TRIM25: variants seen among roughly 807,000 people sequenced by gnomAD.
The protein encoded by TRIM25 is tripartite motif containing 25, also known as E3 ubiquitin/ISG15 ligase TRIM25.
In TRIM25, 45 loss-of-function variants were observed where a neutral mutation model predicts 65.2. The ratio of observed to expected loss-of-function variants is 0.69; its 90% CI spans 0.54 to 0.89. The LOEUF is 0.89. Ranked by LOEUF, TRIM25 falls within the 40% of genes least tolerant of loss-of-function variation. The probability of loss-of-function intolerance (pLI) is 0.00; values close to 1 mark genes in which losing one functional copy is unlikely to be tolerated. For missense variants in TRIM25, 714 were observed against 803.7 expected (o/e 0.89, Z 1.35); for synonymous variants, 321 against 340.4 (o/e 0.94, Z 0.63).
At chr17:56,902,897 C>G (rs1206212262) in intron 3 of TRIM25, among the ~76,000 whole-genome samples, 1 of 152,182 alleles carries the variant, frequency 6.6e-6, no homozygotes, top group Non-Finnish European at 1.5e-5. Context: ...AGTTCTTGCA[C>G]AAACTGGTTG....
At chr17:56,900,530 G>A (rs574551767) in intron 4 of TRIM25, among the ~76,000 whole-genome samples, 1 of 152,244 alleles carries the variant, frequency 6.6e-6, no homozygotes, top group Admixed American at 6.5e-5. Context: ...AGTCTGAGGA[G>A]TGGGAGCAGT....
chr17:56,892,363 A>G, intron 8 of TRIM25, 134 bp from the exon 9 acceptor site: 1 of 921,970 alleles, frequency 1.1e-6, no homozygotes, highest in South Asian at 1.7e-5. Flanking sequence ...CCATCCATCC[A>G]CTCATCTATC....
chr17:56,890,566 T>C lies in TRIM25; in HGVS notation c.*1134A>G. The C allele has an allele frequency of 6.6e-6, 3 of 455,188 alleles. No individual in the cohort carries two copies. The highest frequency in any genetic ancestry group is 1.3e-5 in the Non-Finnish European group (3 of 226,818). 28.2% of individuals were successfully genotyped at this position (455,188 alleles called of 1,614,324 possible). The stretch of plus-strand genomic sequence containing the variant: ...GTTTGCTAAAAGACCCCTTTGGTGG[T>C]AGGTTGACACCCCAGCAAGTGGCCT... On this transcript the variant is annotated 3_prime_UTR_variant, in exon 9 of 9. Coordinates refer to ENST00000316881, the MANE Select transcript of TRIM25 (RefSeq NM_005082.5).
In TRIM25 at chr17:56,891,468, T is replaced by A. The variant is rs968948142; in HGVS notation, c.*232A>T. 6.8e-5 allele frequency: 38 copies of A among 560,688 alleles called. No homozygotes were observed. The South Asian group carries it at 7.7e-4, about 11-fold the overall frequency. The allele number at this position is 560,688 out of a possible 1,614,324, so 34.7% of individuals were successfully genotyped here. A position where few individuals can be genotyped will look rare whatever the true frequency, so the allele number is the denominator to read the frequency against. ...GATTTCCAGAACAATGGGGAGTAGGTCACCCTGCCCTGATAGGCACCAGGG... is the reference window on the plus strand; with the variant it reads ...GATTTCCAGAACAATGGGGAGTAGGACACCCTGCCCTGATAGGCACCAGGG... On this transcript the variant is annotated 3_prime_UTR_variant, in exon 9 of 9. Coordinates refer to ENST00000316881, the MANE Select transcript of TRIM25 (RefSeq NM_005082.5).
rs1165916660 is a variant in TRIM25, at chr17:56,888,855, GCT to G, written c.*2843_*2844del. ...GGGCAGTAGCCGTCTGTAGTGGGCGGCTCATCTGCTGACAACAGTATGACGAA... is the reference window on the plus strand; with the variant it reads ...GGGCAGTAGCCGTCTGTAGTGGGCGGCATCTGCTGACAACAGTATGACGAA... On this transcript the variant is annotated 3_prime_UTR_variant, in exon 9 of 9. Transcript: ENST00000316881. 6.6e-6 allele frequency: 1 copy of G among 152,204 alleles called. No homozygotes were observed. The highest frequency in any genetic ancestry group is 1.5e-5 in the Non-Finnish European group (1 of 68,064). The allele number at this position is 152,204 out of a possible 1,614,324, so 9.4% of individuals were successfully genotyped here. A position where few individuals can be genotyped will look rare whatever the true frequency, so the allele number is the denominator to read the frequency against.
chr17:56,899,233 C>T, intron 4 of TRIM25, 53 bp from the exon 5 acceptor site: 2 of 1,602,918 alleles, frequency 1.2e-6, no homozygotes, highest in Non-Finnish European at 1.7e-6. Context: ...CTGACCCTAG[C>T]AGCCAGCTTT....
chr17:56,906,886 A>C (rs1216751119), intron 2 of TRIM25, among the ~76,000 whole-genome samples: 2 of 152,188 alleles, frequency 1.3e-5, no homozygotes, highest in Non-Finnish European at 2.9e-5. Context: ...GTAAGAGAAC[A>C]TCCCTGGAGT....
rs1183885334 is a variant in TRIM25 at position 56,913,960 on chromosome 17, T to C, written c.29A>G (p.Glu10Gly). Reference protein sequence around the residue: MAELCPLAEELSCSICLEPF... With the variant: MAELCPLAEGLSCSICLEPF... ...CTCCAGGCAGATGGAGCACGACAGC[T>C]CCTCGGCCAGGGGGCACAGCTCTGC... Residue 10 changes from glutamate to glycine, a missense_variant, in exon 1 of 9, where the codon GAG becomes GGG. Physicochemically the swap from Glu to Gly is moderately conservative, Grantham distance 98. Coordinates refer to ENST00000316881, the MANE Select transcript of TRIM25 (RefSeq NM_005082.5). The surrounding 1 kb of genome is among the most constrained non-coding windows in gnomAD (Gnocchi z 6.1). 1 of 1,579,972 alleles carries C rather than the reference T, an allele frequency of 6.3e-7. No individual in the cohort carries two copies. Among genetic ancestry groups the C allele is most frequent in the Admixed American group, 1.8e-5 (1 of 56,782 alleles).
At chr17:56,902,200 G>A (rs754009492) in intron 3 of TRIM25, among the ~76,000 whole-genome samples, 11 of 152,180 alleles carry the variant, frequency 7.2e-5, no homozygotes, top group Admixed American at 1.3e-4. Flanking sequence ...GACTAGGCAC[G>A]CATCAGGCCT....
chr17:56,913,725 G>C lies in TRIM25; in HGVS notation c.264C>G (p.Asp88Glu). 1 of 1,558,880 alleles carries C rather than the reference G, an allele frequency of 6.4e-7. No homozygotes were observed. The highest frequency in any genetic ancestry group is 1.4e-5 in the African/African-American group (1 of 73,820). ...AGGCGCGGGCGGGCGGCGTCCAGAC[G>C]TCGGCGGGTGGCTCCCGGGCCAGGT... ...QADLAREPPA[D>E]VWTPPARASA... is the part of the protein sequence containing the mutation. The change falls in exon 1 of 9, where the codon GAC (aspartate) becomes GAG (glutamate). Residue 88 changes from aspartate (D) to glutamate (E), a missense_variant. Physicochemically the swap from Asp to Glu is conservative, Grantham distance 45. This residue lies in a region of TRIM25 where 291 missense variants were observed against 281.8 expected (regional missense o/e 1.03). Transcript: ENST00000316881. The surrounding 1 kb of genome is among the most constrained non-coding windows in gnomAD (Gnocchi z 6.1).
At chr17:56,895,849 C>T (rs998123622) in intron 6 of TRIM25, 77 bp downstream of exon 6, 7 of 1,552,908 alleles carry the variant, frequency 4.5e-6, no homozygotes, top group African/African-American at 2.8e-5. Context: ...TGAGAGAGGT[C>T]GACTCTCACT....
chr17:56,896,352 A>AC (rs1909293498), intron 5 of TRIM25, among the ~76,000 whole-genome samples: 2 of 151,802 alleles, frequency 1.3e-5, no homozygotes, highest in South Asian at 4.2e-4. Flanking sequence ...AATCAGAAAA[A>AC]AAAAAATGCT....
Position 56,891,418 on chromosome 17 carries a change from C to T in TRIM25, c.*282G>A. 1 of 460,672 alleles carries T rather than the reference C, an allele frequency of 2.2e-6. No homozygotes were observed. The highest frequency in any genetic ancestry group is 4.0e-5 in the East Asian group (1 of 24,868). The allele number at this position is 460,672 out of a possible 1,614,324, so 28.5% of individuals were successfully genotyped here. The stretch of plus-strand genomic sequence containing the variant: ...ACTCATGACTTCACTTCCCAGAGCT[C>T]TGCCCAGCTGCCCAGCAGCCTGGAG... On this transcript the variant is annotated 3_prime_UTR_variant, in exon 9 of 9. Transcript: ENST00000316881.
chr17:56,905,233 G>A (rs1205005757), intron 2 of TRIM25, among the ~76,000 whole-genome samples: 10 of 152,144 alleles, frequency 6.6e-5, no homozygotes, highest in South Asian at 2.1e-4. Flanking sequence ...TTGTGGCAGC[G>A]CGCACCTGTA....
In TRIM25 at chr17:56,891,992, T is replaced by C. The variant is rs1294203146; in HGVS notation, c.1601A>G (p.Asn534Ser). The C allele has an allele frequency of 1.2e-6, 2 of 1,614,156 alleles. No individual in the cohort carries two copies. The highest frequency in any genetic ancestry group is 2.2e-5 in the South Asian group (2 of 91,088). ...GAGCCTGCTTTCTGGGCCCTGCCGG[T>C]TCATGCTTCCGTAGCAGATGCCTAC... ...CGVGICYGSM[N>S]RQGPESRLGR... Residue 534 changes from asparagine (N) to serine (S), a missense_variant, in exon 9 of 9, where the codon AAC becomes AGC. By Grantham distance (46) the Asn-to-Ser change is conservative (BLOSUM62 1). Transcript: ENST00000316881.
intron 2 of TRIM25, among the ~76,000 whole-genome samples, chr17:56,907,456 A>C (rs1909542414): frequency 1.3e-5 from 2 of 152,244 alleles, no homozygotes; most frequent in African/African-American, 4.8e-5. Context: ...CTAGTATGTG[A>C]CAGAGCTGGT....
At position 56,900,731 on chromosome 17, in the gene TRIM25, C is replaced by T. The variant is rs374622038; in HGVS notation, c.1087+688G>A. ...AGATGCACCAGAGGAGAGTGGGGGG[C>T]GCCTTGGGGCTGGAGAGAGACCAAC... is the stretch of plus-strand genomic sequence containing the variant. On this transcript the variant is annotated intron_variant, in intron 4 of 8. Coordinates refer to ENST00000316881, the MANE Select transcript of TRIM25 (RefSeq NM_005082.5). Among the ~76,000 whole-genome samples the T allele has an allele frequency of 9.9e-5, 15 of 152,206 alleles. 1 individual carries two copies. Among genetic ancestry groups the T allele is most frequent in the East Asian group, 1.9e-4 (1 of 5,184 alleles).
rs1291619901 is a variant in TRIM25 at position 56,889,093 on chromosome 17, A to G, written c.*2607T>C. The G allele has an allele frequency of 1.3e-5, 2 of 152,250 alleles. No homozygotes were observed. Among genetic ancestry groups the G allele is most frequent in the Non-Finnish European group, 2.9e-5 (2 of 68,044 alleles). The allele number at this position is 152,250 out of a possible 1,614,324, so 9.4% of individuals were successfully genotyped here. A position where few individuals can be genotyped will look rare whatever the true frequency, so the allele number is the denominator to read the frequency against. ...TAAAATCAATAGTGAGAGGCAGAAT[A>G]CGGTAAAAGATAACATATTAGTATT... On this transcript the variant is annotated 3_prime_UTR_variant, in exon 9 of 9. Coordinates refer to ENST00000316881, the MANE Select transcript of TRIM25 (RefSeq NM_005082.5).
In TRIM25 at chr17:56,904,562, A is replaced by G. The variant is rs919965984; in HGVS notation, c.694-74T>C. ...AAGGCTGCAGCCCCAAGCATGGGTG[A>G]GATGTGGAGTTCCAGGAACTCTTAC... On this transcript the variant is annotated intron_variant, in intron 2 of 8. Coordinates refer to ENST00000316881, the MANE Select transcript of TRIM25 (RefSeq NM_005082.5). 25 of 1,365,504 alleles carry G rather than the reference A, an allele frequency of 1.8e-5. No individual in the cohort carries two copies. In the African/African-American group the frequency reaches 3.2e-4, roughly 17 times the overall value. The allele number at this position is 1,365,504 out of a possible 1,614,324, so 84.6% of individuals were successfully genotyped here. A position where few individuals can be genotyped will look rare whatever the true frequency, so the allele number is the denominator to read the frequency against.
Sources: gnomAD v4.1 joint callset for allele counts (sites outside exome capture counted in the v4.1 genomes callset) on GRCh38, gnomAD v4.1.1 for gene constraint, gnomAD v4.1.1 regional missense constraint, Gnocchi (gnomAD v3.1) non-coding constraint, MANE v1.5 for transcripts, NCBI Gene and HGNC (gene_info 2026-07-23, HGNC 2026-07-21) for gene names.